The following SCN1A variants were observed in gnomAD, a reference collection of about 807,000 sequenced individuals.
SCN1A encodes the protein sodium voltage-gated channel alpha subunit 1, also known as sodium channel protein type 1 subunit alpha.
Under a neutral mutation model 193.7 loss-of-function variants are expected in SCN1A, and 13 were observed. The ratio of observed to expected loss-of-function variants is 0.07; its 90% CI spans 0.04 to 0.11. The LOEUF (loss-of-function observed/expected upper bound fraction) is 0.11, where lower values mean the gene tolerates loss of function less well. SCN1A is among the 10% of genes least tolerant of loss of function. The pLI, the probability that SCN1A is intolerant of heterozygous loss-of-function variation, is 1.00. For synonymous variants in SCN1A, 781 were observed against 843.6 expected (o/e 0.93, Z 1.29); for missense variants, 1,432 against 2,451.1 (o/e 0.58, Z 8.78).
intron 2 of SCN1A, chr2:166,104,197 T>A (rs1444807325): frequency 2.6e-5 from 4 of 152,226 alleles, no homozygotes; most frequent in African/African-American, 9.6e-5. Flanking sequence ...AACTAGAGTT[T>A]AGTCAAAATG....
chr2:166,097,662 G>T (rs1687544185), intron 2 of SCN1A, among the ~76,000 whole-genome samples: 1 of 152,152 alleles, frequency 6.6e-6, no homozygotes, highest in African/African-American at 2.4e-5. Flanking sequence ...GCTCACTGCA[G>T]CCTTGAACTA....
chr2:166,065,688 G>A (rs934479070), intron 4 of SCN1A, among the ~76,000 whole-genome samples: 16 of 151,904 alleles, frequency 1.1e-4, no homozygotes, highest in Admixed American at 6.6e-4. Flanking sequence ...TTGCCTACCC[G>A]TGGGCCACCA....
At chr2:166,121,838 A>G (rs912359527) in intron 2 of SCN1A, among the ~76,000 whole-genome samples, 6 of 152,230 alleles carry the variant, frequency 3.9e-5, no homozygotes, top group Non-Finnish European at 8.8e-5. Context: ...CCGGTACCTC[A>G]GAATGTGACT....
chr2:166,047,091 G>T (rs1048335727), intron 11 of SCN1A, 115 bp from the exon 12 acceptor site: 3 of 1,170,308 alleles, frequency 2.6e-6, no homozygotes, highest in East Asian at 2.5e-5. Flanking sequence ...AATTATGTTG[G>T]TCATAGCACC....
chr2:166,098,689 A>C (rs887478355), intron 2 of SCN1A, among the ~76,000 whole-genome samples: 2 of 152,178 alleles, frequency 1.3e-5, no homozygotes, highest in Non-Finnish European at 1.5e-5. Context: ...AATGTACAAA[A>C]ATCAGTAGCA....
chr2:166,047,107 C>G, intron 11 of SCN1A, 131 bp from the exon 12 acceptor site: 2 of 973,466 alleles, frequency 2.1e-6, no homozygotes, highest in Non-Finnish European at 3.0e-6. Flanking sequence ...GCACCCTGTA[C>G]TTTTTTTTTA....
intron 14 of SCN1A, among the ~76,000 whole-genome samples, chr2:166,042,958 C>T (rs1354955781): frequency 6.6e-6 from 1 of 152,158 alleles, no homozygotes; most frequent in Non-Finnish European, 1.5e-5. Flanking sequence ...TCCAGGGTAC[C>T]AAAGCAATAA....
chr2:166,058,641 G>T lies in SCN1A; in HGVS notation c.312C>A (p.Ala104=), dbSNP rs771566556. 1.2e-5 allele frequency: 20 copies of T among 1,612,370 alleles called. No homozygotes were observed. Among genetic ancestry groups the T allele is most frequent in the Non-Finnish European group, 1.4e-5 (17 of 1,178,676 alleles). ...GAGTTAAAATGTACAGGGCAGAGGT[G>T]GCACTGAACCGGAAGATGGCCTTCC... ...NKGKAIFRFS[A]TSALYILTPF... The change falls in exon 5 of 29, where the codon GCC becomes GCA. Residue 104 remains alanine, a synonymous_variant. Coordinates refer to ENST00000674923, the MANE Select transcript of SCN1A (RefSeq NM_001165963.4).
At chr2:165,996,223 C>G in intron 26 of SCN1A, 106 bp from the exon 27 acceptor site, 1 of 701,784 alleles carries the variant, frequency 1.4e-6, no homozygotes, top group Non-Finnish European at 2.5e-6. Flanking sequence ...CAAAATTCAA[C>G]TGATTAGTAT....
chr2:166,122,881 C>G (rs1350138282), intron 2 of SCN1A, among the ~76,000 whole-genome samples: 4 of 152,090 alleles, frequency 2.6e-5, no homozygotes, highest in Non-Finnish European at 5.9e-5. Flanking sequence ...AGAGTAGATT[C>G]TTCATCAAAA....
chr2:166,115,071 A>C (rs1264080927), intron 2 of SCN1A, among the ~76,000 whole-genome samples: 3 of 152,186 alleles, frequency 2.0e-5, no homozygotes, highest in Non-Finnish European at 4.4e-5. Flanking sequence ...AGACCAAAGA[A>C]TGCCTCAAAA....
chr2:166,018,959 T>C (rs922335333), intron 19 of SCN1A, among the ~76,000 whole-genome samples: 1 of 152,174 alleles, frequency 6.6e-6, no homozygotes, highest in Non-Finnish European at 1.5e-5. Flanking sequence ...ATATGAACTC[T>C]AAATTATCTT....
chr2:165,997,053 A>C (rs1435765143), intron 26 of SCN1A, among the ~76,000 whole-genome samples: 1 of 151,268 alleles, frequency 6.6e-6, no homozygotes. Context: ...GTGTTCATAC[A>C]CTGATATTGG....
At position 166,038,004 on chromosome 2, in the gene SCN1A, C is replaced by A. The variant is rs1696651467; in HGVS notation, c.2718G>T (p.Val906=). The change falls in exon 18 of 29, where the codon GTG becomes GTT. Residue 906 remains valine, a synonymous_variant. Coordinates refer to ENST00000674923, the MANE Select transcript of SCN1A (RefSeq NM_001165963.4). ...TTTTACCAAAGAGCTGCATGCCGAC[C>A]ACGGCAAAAATGAAGACGATGATGG... ...VLAIIVFIFA[V]VGMQLFGKSY... is the part of the protein sequence containing the mutation. The A allele has an allele frequency of 1.2e-6, 2 of 1,614,038 alleles. No homozygotes were observed. The highest frequency in any genetic ancestry group is 1.7e-6 in the Non-Finnish European group (2 of 1,180,042).
chr2:166,010,892 G>T (rs1692354878), intron 22 of SCN1A, among the ~76,000 whole-genome samples: 1 of 150,790 alleles, frequency 6.6e-6, no homozygotes, highest in Non-Finnish European at 1.5e-5. Context: ...TTCTTAAAAT[G>T]TTTCAAAAAT....
At chr2:166,087,329 G>C (rs1686248370) in intron 2 of SCN1A, among the ~76,000 whole-genome samples, 1 of 152,110 alleles carries the variant, frequency 6.6e-6, no homozygotes, top group African/African-American at 2.4e-5. Context: ...AGCTGGGCAT[G>C]GTGGTGCATG....
chr2:166,111,923 A>G (rs1689332548), intron 2 of SCN1A, among the ~76,000 whole-genome samples: 1 of 152,180 alleles, frequency 6.6e-6, no homozygotes, highest in Non-Finnish European at 1.5e-5. Flanking sequence ...ATGTCATGAT[A>G]AAACCTTAAG....
chr2:166,096,420 T>A (rs1687388297), intron 2 of SCN1A, among the ~76,000 whole-genome samples: 1 of 152,146 alleles, frequency 6.6e-6, no homozygotes. Context: ...TAGCTGGGAT[T>A]ACAGGCACCC....
chr2:165,986,906 C>T lies in SCN1A; in HGVS notation c.*4339G>A, dbSNP rs1339619497. The T allele has an allele frequency of 1.3e-5, 2 of 151,992 alleles. No homozygotes were observed. Among genetic ancestry groups the T allele is most frequent in the East Asian group, 1.9e-4 (1 of 5,192 alleles). 9.4% of individuals were successfully genotyped at this position (151,992 alleles called of 1,614,324 possible). On this transcript the variant is annotated 3_prime_UTR_variant, in exon 29 of 29. Coordinates refer to ENST00000674923, the MANE Select transcript of SCN1A (RefSeq NM_001165963.4). ...AAGAACATTTTCTATTTTCATGGAA[C>T]AGGCACACTAGTCTTAACAAAATTA...
Sources: gnomAD v4.1 joint callset for allele counts (sites outside exome capture counted in the v4.1 genomes callset) on GRCh38, gnomAD v4.1.1 for gene constraint, MANE v1.5 for transcripts, NCBI Gene and HGNC (gene_info 2026-07-23, HGNC 2026-07-21) for gene names.